The following GRM7 variants were observed in gnomAD, a reference collection of about 807,000 sequenced individuals.
The protein encoded by GRM7 is metabotropic glutamate receptor 7.
GRM7 carries 35 observed loss-of-function variants against 84.5 expected under a neutral mutation model. That is an observed-to-expected ratio of 0.41 (90% CI 0.32 to 0.55). GRM7 has a LOEUF of 0.55. Among genes scored for constraint, GRM7 ranks in the 20% least tolerant of loss-of-function variants. GRM7 has a pLI of 0.19. For missense variants in GRM7, 1,003 were observed against 1,194.6 expected (o/e 0.84, Z 2.36); for synonymous variants, 487 against 455.1 (o/e 1.07, Z -0.89).
chr3:6,878,415 G>GTA (rs1695392934), intron 1 of GRM7, among the ~76,000 whole-genome samples: 1 of 146,546 alleles, frequency 6.8e-6, no homozygotes, highest in African/African-American at 2.5e-5. Context: ...GTGTGTGTGT[G>GTA]TAGTATTTTT....
intron 1 of GRM7, among the ~76,000 whole-genome samples, chr3:7,015,415 G>T (rs1262402772): frequency 6.6e-6 from 1 of 152,186 alleles, no homozygotes; most frequent in Non-Finnish European, 1.5e-5. Flanking sequence ...TGAGTAAATG[G>T]ATTAATGCAT....
intron 9 of GRM7, among the ~76,000 whole-genome samples, chr3:7,711,783 G>A (rs1287099116): frequency 6.6e-6 from 1 of 152,134 alleles, no homozygotes; most frequent in Non-Finnish European, 1.5e-5. Flanking sequence ...CTTCCAAAGG[G>A]GAAATGTCTG....
intron 1 of GRM7, among the ~76,000 whole-genome samples, chr3:6,927,267 A>G (rs1697330291): frequency 6.6e-6 from 1 of 151,936 alleles, no homozygotes; most frequent in South Asian, 2.1e-4. Context: ...GTCTTTACTA[A>G]AAACACAAAA....
At chr3:7,716,523 A>G (rs1041914945) in intron 9 of GRM7, among the ~76,000 whole-genome samples, 2 of 152,216 alleles carry the variant, frequency 1.3e-5, no homozygotes, top group Non-Finnish European at 2.9e-5. Context: ...GAAAGCATCT[A>G]TAGGTTTCTA....
chr3:7,112,989 C>G (rs111811334), intron 1 of GRM7, among the ~76,000 whole-genome samples: 2,354 of 152,156 alleles, frequency 0.015, 38 homozygotes, highest in African/African-American at 0.043. Flanking sequence ...TAGCATCAAA[C>G]TTTTCAAAAT....
At chr3:7,672,511 C>A (rs1024186549) in intron 8 of GRM7, among the ~76,000 whole-genome samples, 8 of 151,620 alleles carry the variant, frequency 5.3e-5, no homozygotes, top group African/African-American at 1.9e-4. Flanking sequence ...GCCTTTTTGT[C>A]TTAATTCTCA....
intron 9 of GRM7, among the ~76,000 whole-genome samples, chr3:7,709,820 A>C (rs1240372238): frequency 6.6e-6 from 1 of 152,124 alleles, no homozygotes; most frequent in Non-Finnish European, 1.5e-5. Flanking sequence ...CCTTATCTCC[A>C]TTACAGGAAG....
chr3:7,289,119 A>G (rs1195798446), intron 2 of GRM7, among the ~76,000 whole-genome samples: 1 of 152,162 alleles, frequency 6.6e-6, no homozygotes, highest in Non-Finnish European at 1.5e-5. Flanking sequence ...ATTTTTACAG[A>G]GAATCTGCTT....
At chr3:6,887,771 G>T (rs551412447) in intron 1 of GRM7, among the ~76,000 whole-genome samples, 164 of 152,224 alleles carry the variant, frequency 1.1e-3, no homozygotes, top group Non-Finnish European at 1.9e-3. Flanking sequence ...GGGTCAAATG[G>T]TATTTCTAGT....
In GRM7 at chr3:7,572,879, T is replaced by TATATATATATAA. The variant is rs1387026609; in HGVS notation, c.1516-5542_1516-5541insTATATATATAAA. ...ATATATATATATATATATATATATA[T>TATATATATATAA]AAATAATCTTTCTACCTATAATAAT... On this transcript the variant is annotated intron_variant, in intron 7 of 9. Transcript: ENST00000357716. Among the ~76,000 whole-genome samples the TATATATATATAA allele has an allele frequency of 1.5e-4, 10 of 66,142 alleles. 1 individual carries two copies. Among genetic ancestry groups the TATATATATATAA allele is most frequent in the Non-Finnish European group, 2.4e-4 (7 of 29,620 alleles). The allele number at this position is 66,142 out of a possible 152,430, so 43.4% of individuals were successfully genotyped here. A position where few individuals can be genotyped will look rare whatever the true frequency, so the allele number is the denominator to read the frequency against.
intron 4 of GRM7, among the ~76,000 whole-genome samples, chr3:7,329,721 T>C (rs1701124731): frequency 6.6e-6 from 1 of 152,162 alleles, no homozygotes; most frequent in African/African-American, 2.4e-5. Flanking sequence ...TTCAGTAGCA[T>C]TGTGTGTGTA....
rs1694818128 is a variant in GRM7 at position 6,863,098 on chromosome 3, C to G, written c.519+1191C>G. The G allele has an allele frequency of 2.5e-6, 1 of 394,930 alleles. No homozygotes were observed. Among genetic ancestry groups the G allele is most frequent in the South Asian group, 1.8e-5 (1 of 55,478 alleles). 24.5% of individuals were successfully genotyped at this position (394,930 alleles called of 1,614,324 possible). ...TGTCTTTCCCTATATGTGCATCACT[C>G]TCTCTTTCTGTCTCTGTCTCCTTGC... On this transcript the variant is annotated intron_variant, in intron 1 of 9. Coordinates refer to ENST00000357716, the MANE Select transcript of GRM7 (RefSeq NM_000844.4). The surrounding 1 kb of genome is among the most constrained non-coding windows in gnomAD (Gnocchi z 4.8).
intron 1 of GRM7, among the ~76,000 whole-genome samples, chr3:7,076,992 T>C (rs1698107430): frequency 6.6e-6 from 1 of 152,134 alleles, no homozygotes; most frequent in Non-Finnish European, 1.5e-5. Flanking sequence ...TCACTGGTCA[T>C]TAGAGAAATG....
At chr3:7,309,305 AATCTAAG>A (rs139459828) in intron 4 of GRM7, among the ~76,000 whole-genome samples, 3,916 of 152,330 alleles carry the variant, frequency 0.026, 123 homozygotes, top group African/African-American at 0.078. Context: ...ACTATGAAAT[AATCTAAG>A]ATAAAACTAT....
intron 1 of GRM7, among the ~76,000 whole-genome samples, chr3:7,069,682 G>A (rs1697792354): frequency 6.6e-6 from 1 of 152,038 alleles, no homozygotes; most frequent in African/African-American, 2.4e-5. Context: ...TTGTGTTCTG[G>A]TTATATAACT....
intron 2 of GRM7, among the ~76,000 whole-genome samples, chr3:7,284,033 C>T (rs754194837): frequency 3.9e-5 from 6 of 152,150 alleles, no homozygotes; most frequent in Non-Finnish European, 8.8e-5. Context: ...AATATCTTTA[C>T]TGAGAGAGGA....
chr3:7,468,315 A>G (rs967274451), intron 7 of GRM7, among the ~76,000 whole-genome samples: 1 of 152,158 alleles, frequency 6.6e-6, no homozygotes, highest in Non-Finnish European at 1.5e-5. Flanking sequence ...CATAATTATC[A>G]GCTCTTTTCT....
chr3:7,544,996 T>G (rs1461719233), intron 7 of GRM7, among the ~76,000 whole-genome samples: 5 of 152,224 alleles, frequency 3.3e-5, no homozygotes, highest in Non-Finnish European at 4.4e-5. Context: ...ACAGGAAATA[T>G]GTATCTTGTT....
Position 7,435,456 on chromosome 3 carries a change from A to T in GRM7, c.1175-17151A>T, listed in dbSNP as rs188231524. Among the ~76,000 whole-genome samples, 138 of 151,838 alleles carry T rather than the reference A, an allele frequency of 9.1e-4. 2 individuals carry two copies. Among genetic ancestry groups the T allele is most frequent in the African/African-American group, 3.2e-3 (131 of 41,414 alleles). ...CAGGTATGAGCCATTGTGCCCAGCT[A>T]TGCCTTCTATTTTCTTTCTTTACTT... On this transcript the variant is annotated intron_variant, in intron 5 of 9. Coordinates refer to ENST00000357716, the MANE Select transcript of GRM7 (RefSeq NM_000844.4).
Sources: allele counts gnomAD v4.1 joint callset (sites outside exome capture counted in the v4.1 genomes callset), GRCh38; gene constraint gnomAD v4.1.1; non-coding constraint Gnocchi (gnomAD v3.1); transcripts MANE v1.5; gene names NCBI Gene and HGNC (gene_info 2026-07-23, HGNC 2026-07-21).